The following ARHGEF7 variants were observed in gnomAD, a reference collection of about 807,000 sequenced individuals.
ARHGEF7 encodes the protein PAK-interacting exchange factor beta.
In ARHGEF7, 33 loss-of-function variants were observed where a neutral mutation model predicts 109.8. That is an observed-to-expected ratio of 0.30 (90% CI 0.23 to 0.40). The LOEUF is 0.40. Among genes scored for constraint, ARHGEF7 ranks in the 10% least tolerant of loss-of-function variants. The pLI is 1.00. For missense variants in ARHGEF7, 938 were observed against 1,098.5 expected, an observed-to-expected ratio of 0.85 and a Z score of 2.07; for synonymous variants, 458 against 424.6, an observed-to-expected ratio of 1.08 and a Z score of -0.97.
chr13:111,246,434 C>T (rs942450252), intron 8 of ARHGEF7, among the ~76,000 whole-genome samples: 9 of 152,122 alleles, frequency 5.9e-5, no homozygotes, highest in African/African-American at 1.7e-4. Context: ...GTTTACCAAC[C>T]ATGATGAAAA....
chr13:111,274,561 G>A (rs1414988553), intron 10 of ARHGEF7, among the ~76,000 whole-genome samples, 170 bp from the exon 11 acceptor site: 1 of 152,156 alleles, frequency 6.6e-6, no homozygotes, highest in Non-Finnish European at 1.5e-5. Flanking sequence ...TTTCCCCAAA[G>A]TCTAATGGCT....
chr13:111,292,087 T>C, intron 18 of ARHGEF7, 31 bp from the exon 19 acceptor site: 2 of 1,600,146 alleles, frequency 1.2e-6, no homozygotes, highest in Non-Finnish European at 1.7e-6. Context: ...CCCCTGCCTG[T>C]CGCGCCTGTC....
rs964910106 is a variant in ARHGEF7, at chr13:111,255,271, G to A, written c.950+10977G>A. ...TGCATTTCAGTTGGAGATGTCACAGGGGAGGGTGGAAGCGGATACTGGGAG... is the reference window on the plus strand; with the variant it reads ...TGCATTTCAGTTGGAGATGTCACAGAGGAGGGTGGAAGCGGATACTGGGAG... On this transcript the variant is annotated intron_variant, in intron 8 of 21. Coordinates refer to ENST00000646102, the MANE Select transcript of ARHGEF7 (RefSeq NM_001354046.2). The surrounding 1 kb of genome is among the most constrained non-coding windows in gnomAD (Gnocchi z 4.1). Among the ~76,000 whole-genome samples the A allele has an allele frequency of 1.3e-5, 2 of 152,240 alleles. No individual in the cohort carries two copies. The highest frequency in any genetic ancestry group is 4.8e-5 in the African/African-American group (2 of 41,466).
Position 111,267,734 on chromosome 13 carries a change from A to G in ARHGEF7, c.1073+64A>G, listed in dbSNP as rs1026224882. 24 of 1,575,306 alleles carry G rather than the reference A, an allele frequency of 1.5e-5. No individual in the cohort carries two copies. The Admixed American group carries it at 2.1e-4, about 14-fold the overall frequency. ...TGGCTCTGTGTCCTTCAAATAGTGC[A>G]TGAAATAGTATGATGCTAATAGTCC... On this transcript the variant is annotated intron_variant, in intron 9 of 21. Coordinates refer to ENST00000646102, the MANE Select transcript of ARHGEF7 (RefSeq NM_001354046.2).
chr13:111,160,854 G>T (rs113953209), intron 2 of ARHGEF7, among the ~76,000 whole-genome samples: 2 of 152,168 alleles, frequency 1.3e-5, no homozygotes, highest in Admixed American at 1.3e-4. Context: ...CGCCATGATT[G>T]TAAGTTTCCT....
At chr13:111,128,479 C>T (rs563319305) in intron 1 of ARHGEF7, among the ~76,000 whole-genome samples, 30 of 151,954 alleles carry the variant, frequency 2.0e-4, no homozygotes, top group African/African-American at 6.0e-4. Flanking sequence ...GGTGACAGAG[C>T]GAGACCCTGT....
In ARHGEF7 at chr13:111,145,783, G is replaced by A. The variant is rs185530351; in HGVS notation, c.166-8122G>A. On this transcript the variant is annotated intron_variant, in intron 1 of 21. Coordinates refer to ENST00000646102, the MANE Select transcript of ARHGEF7 (RefSeq NM_001354046.2). The surrounding 1 kb of genome is among the most constrained non-coding windows in gnomAD (Gnocchi z 4.3). ...CTGGTTGATGCAGTCCTCAGAGGCT[G>A]GTGCAGGTTGGTGAAATCCACGGGC... is the stretch of plus-strand genomic sequence containing the variant. 1.3e-5 allele frequency among the ~76,000 whole-genome samples: 2 copies of A among 152,334 alleles called. No individual in the cohort carries two copies. Among genetic ancestry groups the A allele is most frequent in the South Asian group, 2.1e-4 (1 of 4,830 alleles).
At chr13:111,230,441 G>C (rs898178667) in intron 5 of ARHGEF7, among the ~76,000 whole-genome samples, 1 of 152,164 alleles carries the variant, frequency 6.6e-6, no homozygotes, top group African/African-American at 2.4e-5. Context: ...GCTACTAGAA[G>C]GCTTCCTAGG....
intron 8 of ARHGEF7, among the ~76,000 whole-genome samples, chr13:111,263,043 A>G (rs753133209): frequency 6.6e-6 from 1 of 152,318 alleles, no homozygotes; most frequent in Non-Finnish European, 1.5e-5. Flanking sequence ...AACCGAGGGG[A>G]ACATCCCCTC....
At position 111,280,676 on chromosome 13, in the gene ARHGEF7, C is replaced by A; in HGVS notation, c.1724C>A (p.Thr575Asn). The A allele has an allele frequency of 6.4e-7, 1 of 1,564,634 alleles. No individual in the cohort carries two copies. The highest frequency in any genetic ancestry group is 8.6e-7 in the Non-Finnish European group (1 of 1,157,306). ...AAGCCTCATTCAGTGCCATCTCATA[C>A]CGTAAGGACTTGGTGCTTCTCCTCC... ...TIKPHSVPSHTLPSHPVTPSS... is the reference protein window; with the variant it reads ...TIKPHSVPSHNLPSHPVTPSS... Residue 575 changes from threonine to asparagine, a missense_variant and splice_region_variant, in exon 15 of 22, where the codon ACC (threonine) becomes AAC (asparagine). Physicochemically the swap from Thr to Asn is moderately conservative, Grantham distance 65. Around this residue, in one of 4 missense-constraint regions of ARHGEF7, gnomAD observed 585 missense variants for 723.6 expected, o/e 0.81. Coordinates refer to ENST00000646102, the MANE Select transcript of ARHGEF7 (RefSeq NM_001354046.2).
intron 6 of ARHGEF7, among the ~76,000 whole-genome samples, chr13:111,243,466 G>A (rs144628065): frequency 0.017 from 2,558 of 152,202 alleles, 40 homozygotes; most frequent in Middle Eastern, 0.075. Flanking sequence ...TCATCTCTTA[G>A]ACTTAATACA....
chr13:111,179,912 T>C (rs2078572534), intron 2 of ARHGEF7, among the ~76,000 whole-genome samples: 1 of 152,250 alleles, frequency 6.6e-6, no homozygotes, highest in Non-Finnish European at 1.5e-5. Context: ...CCGTCACTGC[T>C]GGTGCCACAG....
In ARHGEF7 at chr13:111,126,741, G is replaced by A. The variant is rs575112426; in HGVS notation, c.165+11050G>A. 2.6e-5 allele frequency among the ~76,000 whole-genome samples: 4 copies of A among 152,256 alleles called. No homozygotes were observed. In the East Asian group the frequency reaches 5.8e-4, roughly 22 times the overall value. On this transcript the variant is annotated intron_variant, in intron 1 of 21. Transcript: ENST00000646102. ...TTGCAATGTCAGCTATCTAGGGTTGGCTCTTCAAACAAATAACCTGGAGTC... is the reference window on the plus strand; with the variant it reads ...TTGCAATGTCAGCTATCTAGGGTTGACTCTTCAAACAAATAACCTGGAGTC...
chr13:111,157,902 G>A (rs1419724367), intron 2 of ARHGEF7, among the ~76,000 whole-genome samples: 1 of 152,228 alleles, frequency 6.6e-6, no homozygotes, highest in Non-Finnish European at 1.5e-5. Flanking sequence ...AACTAGGGAA[G>A]CAGGTGAAAT....
rs1199274097 is a variant in ARHGEF7, at chr13:111,170,889, GT to G, written c.252+16899del. On this transcript the variant is annotated intron_variant, in intron 2 of 21. Transcript: ENST00000646102. ...GGCAGATAACAGATAATCAGTCTCAGTCTTTTCTGTTGCAGATATAAAAAGC... is the reference window on the plus strand; with the variant it reads ...GGCAGATAACAGATAATCAGTCTCAGCTTTTCTGTTGCAGATATAAAAAGC... 3.9e-5 allele frequency among the ~76,000 whole-genome samples: 6 copies of G among 152,288 alleles called. No homozygotes were observed. The East Asian group carries it at 1.2e-3, about 29-fold the overall frequency.
intron 8 of ARHGEF7, among the ~76,000 whole-genome samples, chr13:111,263,397 T>C (rs887956570): frequency 6.6e-6 from 1 of 151,826 alleles, no homozygotes; most frequent in Non-Finnish European, 1.5e-5. Context: ...TATGCTGAAA[T>C]ATGACTTAAT....
At position 111,273,937 on chromosome 13, in the gene ARHGEF7, C is replaced by G. The variant is rs746226825; in HGVS notation, c.1197C>G (p.Leu399=). ...LDKYPTLLKE[L]ERHMEDYHTD... Reference sequence around the variant, plus strand: ...AATACCCTACGCTGCTCAAAGAGCTCGAGAGACACATGGAGGTACTGCGCT... The same window carrying G: ...AATACCCTACGCTGCTCAAAGAGCTGGAGAGACACATGGAGGTACTGCGCT... Residue 399 remains leucine, a synonymous_variant, in exon 10 of 22, where the codon CTC becomes CTG. Transcript: ENST00000646102. This position sits in a 1 kb window ranked among gnomAD's most constrained non-coding sequence, Gnocchi z 4.5. The G allele has an allele frequency of 1.2e-6, 2 of 1,614,090 alleles. No individual in the cohort carries two copies. Among genetic ancestry groups the G allele is most frequent in the South Asian group, 1.1e-5 (1 of 91,060 alleles).
chr13:111,237,335 T>C (rs2086971426), intron 6 of ARHGEF7, among the ~76,000 whole-genome samples: 2 of 152,026 alleles, frequency 1.3e-5, no homozygotes, highest in African/African-American at 2.4e-5. Flanking sequence ...TGAAAAAAAA[T>C]AGTTAAACTC....
chr13:111,229,460 G>C (rs749129410), intron 5 of ARHGEF7, among the ~76,000 whole-genome samples: 5 of 152,166 alleles, frequency 3.3e-5, no homozygotes, highest in South Asian at 2.1e-4. Context: ...CTGCGCTTCA[G>C]ATGTTTTCAG....
Sources: allele counts gnomAD v4.1 joint callset (sites outside exome capture counted in the v4.1 genomes callset), GRCh38; gene constraint gnomAD v4.1.1; regional missense constraint gnomAD v4.1.1; non-coding constraint Gnocchi (gnomAD v3.1); transcripts MANE v1.5; gene names NCBI Gene and HGNC (gene_info 2026-07-23, HGNC 2026-07-21).